COL6A6: variants seen among roughly 807,000 people sequenced by gnomAD.
The protein encoded by COL6A6 is collagen alpha-6(VI) chain.
A neutral mutation model predicts 208.6 loss-of-function variants in COL6A6; 183 were observed. The ratio of observed to expected loss-of-function variants is 0.88; its 90% CI spans 0.78 to 0.99. COL6A6 has a LOEUF of 0.99. Among genes scored for constraint, COL6A6 ranks in the 50% least tolerant of loss-of-function variants. The pLI is 0.00. For synonymous variants in COL6A6, 973 were observed against 1,011.8 expected (o/e 0.96, Z 0.73); for missense variants, 2,816 against 2,815.2 (o/e 1.00, Z -0.01).
At chr3:130,635,511 A>G (rs1250285247) in intron 27 of COL6A6, among the ~76,000 whole-genome samples, 188 bp from the exon 28 acceptor site, 1 of 152,236 alleles carries the variant, frequency 6.6e-6, no homozygotes, top group Non-Finnish European at 1.5e-5. Context: ...GAGTGAAACA[A>G]TGCTGACGCA....
chr3:130,610,764 C>G, intron 23 of COL6A6, 53 bp downstream of exon 23: 1 of 1,331,878 alleles, frequency 7.5e-7, no homozygotes, highest in Non-Finnish European at 1.1e-6. Flanking sequence ...CTTGATATGT[C>G]TTTGTGGTTT....
At position 130,612,452 on chromosome 3, in the gene COL6A6, A is replaced by T. The variant is rs143820808; in HGVS notation, c.4815+1741A>T. Among the ~76,000 whole-genome samples, 104 of 152,278 alleles carry T rather than the reference A, an allele frequency of 6.8e-4. 1 individual carries two copies. In the East Asian group the frequency reaches 0.017, roughly 25 times the overall value. ...CCTCACTAGCATCTGTTATTTTTTG[A>T]CTTTTAATAATAGCCATTCTGACTG... On this transcript the variant is annotated intron_variant, in intron 23 of 36. Coordinates refer to ENST00000358511, the MANE Select transcript of COL6A6 (RefSeq NM_001102608.3).
intron 17 of COL6A6, among the ~76,000 whole-genome samples, chr3:130,593,625 A>G (rs1383656803): frequency 6.6e-6 from 1 of 152,158 alleles, no homozygotes; most frequent in Non-Finnish European, 1.5e-5. Context: ...CTCTCTCAAC[A>G]CTTGCATCTC....
chr3:130,631,460 T>C (rs2065005343), intron 26 of COL6A6, among the ~76,000 whole-genome samples: 1 of 19,290 alleles, frequency 5.2e-5, no homozygotes, highest in Non-Finnish European at 7.0e-5. Flanking sequence ...AGCCGAATTC[T>C]ACCAGAGGTA....
At chr3:130,534,218 A>C (rs1037469901) in intron 1 of COL6A6, among the ~76,000 whole-genome samples, 9 of 152,154 alleles carry the variant, frequency 5.9e-5, no homozygotes, top group African/African-American at 2.2e-4. Context: ...GTCTAATAGG[A>C]AGGAAATGGA....
intron 1 of COL6A6, among the ~76,000 whole-genome samples, chr3:130,555,155 G>T (rs921957772): frequency 2.6e-5 from 4 of 152,192 alleles, no homozygotes; most frequent in African/African-American, 9.6e-5. Context: ...CTCTGCATAG[G>T]CTGGAGTCCT....
chr3:130,565,352 C>T lies in COL6A6; in HGVS notation c.1020C>T (p.Thr340=), dbSNP rs1232422538. ...TGCCCCAGATTGCCGTGCTGGTGAC[C>T]CACCGAGATTCAGAAGACAACGTGA... ...QGVPQIAVLV[T]HRDSEDNVTK... Residue 340 remains threonine (T), a synonymous_variant, in exon 4 of 37, where the codon ACC becomes ACT. Transcript: ENST00000358511. 3.1e-6 allele frequency: 5 copies of T among 1,612,804 alleles called. No homozygotes were observed. The highest frequency in any genetic ancestry group is 3.4e-6 in the Non-Finnish European group (4 of 1,179,518).
Position 130,662,167 on chromosome 3 carries a change from G to A in COL6A6, c.6361G>A (p.Gly2121Ser). 6.2e-7 allele frequency: 1 copy of A among 1,613,932 alleles called. No homozygotes were observed. The highest frequency in any genetic ancestry group is 1.1e-5 in the South Asian group (1 of 91,076). ...ATATGCCTTATTTGTGTTTTCCCTT[G>A]GCCCTATTTGGGATGACAAGGAACT... ...QGYALFVFSL[G>S]PIWDDKELED... The change falls in exon 35 of 37, where the codon GGC (glycine) becomes AGC (serine). Residue 2121 changes from glycine to serine, a missense_variant. Physicochemically the swap from Gly to Ser is moderately conservative, Grantham distance 56. Coordinates refer to ENST00000358511, the MANE Select transcript of COL6A6 (RefSeq NM_001102608.3).
At chr3:130,654,702 C>T (rs543847972) in intron 33 of COL6A6, among the ~76,000 whole-genome samples, 2 of 152,312 alleles carry the variant, frequency 1.3e-5, no homozygotes, top group East Asian at 3.9e-4. Context: ...TTGCCTACTG[C>T]CCACATAGAG....
intron 26 of COL6A6, among the ~76,000 whole-genome samples, chr3:130,628,088 T>C (rs2064944560): frequency 6.6e-6 from 1 of 152,192 alleles, no homozygotes; most frequent in African/African-American, 2.4e-5. Flanking sequence ...TATTGAAGGA[T>C]GAACATAATT....
At position 130,540,188 on chromosome 3, in the gene COL6A6, CT is replaced by C. The variant is rs369365424; in HGVS notation, c.-31-20140del. ...TTATTTCCTTTTTAAAAATAGACGA[CT>C]TTTTTAGAGCAGTTTTAGCATCACA... On this transcript the variant is annotated intron_variant, in intron 1 of 36. Transcript: ENST00000358511. 1.6e-4 allele frequency among the ~76,000 whole-genome samples: 25 copies of C among 152,140 alleles called. 1 individual carries two copies. The highest frequency in any genetic ancestry group is 1.2e-3 in the Admixed American group (18 of 15,276).
At chr3:130,671,232 T>C (rs1380486520) in intron 36 of COL6A6, among the ~76,000 whole-genome samples, 1 of 152,160 alleles carries the variant, frequency 6.6e-6, no homozygotes, top group Non-Finnish European at 1.5e-5. Flanking sequence ...TAGCCAGCCA[T>C]GAATGCTGCA....
At chr3:130,603,825 T>C (rs1020703723) in intron 20 of COL6A6, among the ~76,000 whole-genome samples, 1 of 152,198 alleles carries the variant, frequency 6.6e-6, no homozygotes. Flanking sequence ...TTTTTCTTGA[T>C]AATTCTCCAT....
At chr3:130,589,288 T>A (rs911464882) in intron 12 of COL6A6, 106 bp downstream of exon 12, 58 of 676,110 alleles carry the variant, frequency 8.6e-5, no homozygotes, top group Non-Finnish European at 1.4e-4. Flanking sequence ...ATAGAGCCTC[T>A]TATATAAGAG....
At chr3:130,671,893 A>G (rs2066226741) in intron 36 of COL6A6, among the ~76,000 whole-genome samples, 1 of 152,244 alleles carries the variant, frequency 6.6e-6, no homozygotes. Context: ...GCAGAAAGCC[A>G]CCTGTTTATT....
chr3:130,543,933 T>A (rs576111671), intron 1 of COL6A6, among the ~76,000 whole-genome samples: 2 of 152,352 alleles, frequency 1.3e-5, no homozygotes, highest in Non-Finnish European at 2.9e-5. Context: ...TGTGTATTTT[T>A]AAGATATGCA....
chr3:130,617,582 T>C (rs529914965), intron 23 of COL6A6, among the ~76,000 whole-genome samples: 2 of 152,268 alleles, frequency 1.3e-5, no homozygotes, highest in South Asian at 4.2e-4. Flanking sequence ...ACTGTCAAGA[T>C]TGACATCTCA....
chr3:130,522,735 A>T (rs1296446429), intron 1 of COL6A6, among the ~76,000 whole-genome samples: 3 of 152,096 alleles, frequency 2.0e-5, no homozygotes, highest in Non-Finnish European at 4.4e-5. Context: ...GAAAACTTTG[A>T]AGTAGCCTTG....
At chr3:130,562,775 T>G (rs1445657016) in intron 2 of COL6A6, among the ~76,000 whole-genome samples, 2 of 152,234 alleles carry the variant, frequency 1.3e-5, no homozygotes, top group African/African-American at 4.8e-5. Flanking sequence ...TATTTCTGTT[T>G]TATTTTTCCA....
Sources: gnomAD v4.1 joint callset for allele counts (sites outside exome capture counted in the v4.1 genomes callset) on GRCh38, gnomAD v4.1.1 for gene constraint, MANE v1.5 for transcripts, NCBI Gene and HGNC (gene_info 2026-07-23, HGNC 2026-07-21) for gene names.